SLC25A40: variants seen among roughly 807,000 people sequenced by gnomAD.
SLC25A40 encodes the protein mitochondrial glutathione transporter SLC25A40.
SLC25A40 carries 41 observed loss-of-function variants against 46.5 expected under a neutral mutation model. The observed-to-expected ratio is 0.88, with a 90% CI of 0.69 to 1.14. The LOEUF is 1.14. SLC25A40 is among the 50% of genes most tolerant of loss of function. The probability of loss-of-function intolerance (pLI) is 0.00; values close to 1 mark genes in which losing one functional copy is unlikely to be tolerated. For synonymous variants in SLC25A40, 126 were observed against 127.5 expected (o/e 0.99, Z 0.08); for missense variants, 386 against 393.6 (o/e 0.98, Z 0.16).
chr7:87,836,698 A>G (rs780522927), intron 11 of SLC25A40, 32 bp downstream of exon 11: 15 of 1,385,374 alleles, frequency 1.1e-5, no homozygotes, highest in Non-Finnish European at 1.3e-5. Flanking sequence ...TAATCATTCT[A>G]TTCAATGATT....
intron 1 of SLC25A40, among the ~76,000 whole-genome samples, chr7:87,873,381 A>G (rs1466322121): frequency 6.6e-6 from 1 of 152,048 alleles, no homozygotes; most frequent in African/African-American, 2.4e-5. Context: ...AGACTGAACA[A>G]TATTATCTTC....
At chr7:87,843,981 C>A in intron 8 of SLC25A40, 118 bp from the exon 9 acceptor site, 2 of 1,345,438 alleles carry the variant, frequency 1.5e-6, no homozygotes, top group Admixed American at 3.6e-5. Context: ...ACATACCTTG[C>A]TTTCTACTTA....
chr7:87,845,123 C>A (rs2285646), intron 8 of SLC25A40, among the ~76,000 whole-genome samples: 21,582 of 151,934 alleles, frequency 0.14, 2,489 homozygotes, highest in African/African-American at 0.32. Flanking sequence ...GACCAAAAAA[C>A]AAAAGATTTT....
chr7:87,837,505 A>G (rs1471101931), intron 10 of SLC25A40, among the ~76,000 whole-genome samples: 1 of 151,270 alleles, frequency 6.6e-6, no homozygotes, highest in Non-Finnish European at 1.5e-5. Context: ...TTAGCTAATA[A>G]TAACATCTCG....
chr7:87,840,434 C>G (rs781016506), intron 10 of SLC25A40, among the ~76,000 whole-genome samples: 2 of 151,710 alleles, frequency 1.3e-5, no homozygotes, highest in Admixed American at 6.6e-5. Flanking sequence ...CTTTAGTGTG[C>G]ATTAGAATCT....
At chr7:87,872,434 G>A (rs1353612004) in intron 1 of SLC25A40, among the ~76,000 whole-genome samples, 1 of 152,074 alleles carries the variant, frequency 6.6e-6, no homozygotes, top group East Asian at 1.9e-4. Flanking sequence ...ATAAAAGCTG[G>A]TCCCTTGAGG....
intron 1 of SLC25A40, among the ~76,000 whole-genome samples, chr7:87,864,102 T>C (rs1354089896): frequency 2.0e-5 from 3 of 152,248 alleles, no homozygotes; most frequent in African/African-American, 7.2e-5. Flanking sequence ...ACTCCAGTGT[T>C]TCCTTGTTGG....
chr7:87,858,466 C>T (rs1320084205), intron 3 of SLC25A40, among the ~76,000 whole-genome samples, 165 bp downstream of exon 3: 9 of 152,174 alleles, frequency 5.9e-5, no homozygotes, highest in East Asian at 1.9e-4. Context: ...ATGTCACCCC[C>T]GGAGGCCCAG....
intron 6 of SLC25A40, among the ~76,000 whole-genome samples, chr7:87,849,046 A>T (rs1352240244): frequency 6.6e-6 from 1 of 152,246 alleles, no homozygotes; most frequent in Non-Finnish European, 1.5e-5. Context: ...ACAGTTTATC[A>T]TATTAATTCA....
At chr7:87,843,188 G>A (rs1838359794) in intron 9 of SLC25A40, among the ~76,000 whole-genome samples, 1 of 152,008 alleles carries the variant, frequency 6.6e-6, no homozygotes, top group Non-Finnish European at 1.5e-5. Context: ...ATGTCATGGT[G>A]ATATAAATCT....
At chr7:87,847,804 CAGA>C (rs1838443969) in intron 7 of SLC25A40, 46 bp downstream of exon 7, 1 of 1,559,540 alleles carries the variant, frequency 6.4e-7, no homozygotes, top group Non-Finnish European at 8.6e-7. Flanking sequence ...ACAACTTAAA[CAGA>C]AGCTCTAAAC....
chr7:87,861,561 C>T (rs1183649935), intron 1 of SLC25A40, among the ~76,000 whole-genome samples: 1 of 152,012 alleles, frequency 6.6e-6, no homozygotes, highest in Non-Finnish European at 1.5e-5. Flanking sequence ...CTGTATTTTT[C>T]TGTATATGTG....
At chr7:87,869,277 G>A (rs1838855894) in intron 1 of SLC25A40, among the ~76,000 whole-genome samples, 1 of 152,066 alleles carries the variant, frequency 6.6e-6, no homozygotes, top group Non-Finnish European at 1.5e-5. Context: ...TGTATTCCTA[G>A]CACTTTGGGG....
intron 10 of SLC25A40, 48 bp downstream of exon 10, chr7:87,841,584 GA>G: frequency 1.7e-6 from 2 of 1,180,796 alleles, no homozygotes; most frequent in Non-Finnish European, 2.3e-6. Flanking sequence ...TATCTGTAAG[GA>G]AAAACAAAAA....
intron 8 of SLC25A40, among the ~76,000 whole-genome samples, chr7:87,844,271 T>C (rs1404620814): frequency 6.6e-6 from 1 of 152,142 alleles, no homozygotes; most frequent in Non-Finnish European, 1.5e-5. Flanking sequence ...TGCAAAGGTA[T>C]ATAATACAAA....
chr7:87,846,466 C>A (rs1233647061), intron 8 of SLC25A40, among the ~76,000 whole-genome samples: 1 of 152,114 alleles, frequency 6.6e-6, no homozygotes, highest in African/African-American at 2.4e-5. Context: ...CTTTTCATAA[C>A]TGAGTAATCA....
At chr7:87,865,249 T>C (rs1256707730) in intron 1 of SLC25A40, among the ~76,000 whole-genome samples, 1 of 152,134 alleles carries the variant, frequency 6.6e-6, no homozygotes, top group Non-Finnish European at 1.5e-5. Flanking sequence ...TTTTAAAAGA[T>C]GAAAACTTAT....
At chr7:87,858,549 G>T in intron 3 of SLC25A40, 82 bp downstream of exon 3, 1 of 781,294 alleles carries the variant, frequency 1.3e-6, no homozygotes, top group Non-Finnish European at 2.2e-6. Context: ...AAGAAACTAC[G>T]TTGAAATACT....
At chr7:87,869,785 A>C (rs996382848) in intron 1 of SLC25A40, among the ~76,000 whole-genome samples, 3 of 152,224 alleles carry the variant, frequency 2.0e-5, no homozygotes, top group Non-Finnish European at 4.4e-5. Flanking sequence ...TAAAGCAACT[A>C]TGATTATCTG....
Sources: gnomAD v4.1 joint callset for allele counts (sites outside exome capture counted in the v4.1 genomes callset) on GRCh38, gnomAD v4.1.1 for gene constraint, MANE v1.5 for transcripts, NCBI Gene and HGNC (gene_info 2026-07-23, HGNC 2026-07-21) for gene names.